CLYBL: variants seen among roughly 807,000 people sequenced by gnomAD.
CLYBL encodes the protein citramalyl-CoA lyase, mitochondrial.
CLYBL carries 31 observed loss-of-function variants against 38.9 expected under a neutral mutation model. The observed-to-expected ratio is 0.80, with a 90% confidence interval of 0.60 to 1.08. The LOEUF is 1.08. Ranked by LOEUF, CLYBL falls within the 50% of genes least tolerant of loss-of-function variation. CLYBL has a pLI of 0.00. For missense variants in CLYBL, 434 were observed against 411.6 expected (o/e 1.05, Z -0.47); for synonymous variants, 171 against 158.6 (o/e 1.08, Z -0.59).
chr13:99,791,363 A>T (rs2049913760), intron 2 of CLYBL, among the ~76,000 whole-genome samples: 1 of 151,964 alleles, frequency 6.6e-6, no homozygotes, highest in South Asian at 2.1e-4. Flanking sequence ...TCTTTTTTAA[A>T]AAAAAAACAA....
chr13:99,610,400 A>G (rs2046608253), intron 1 of CLYBL, among the ~76,000 whole-genome samples: 1 of 152,142 alleles, frequency 6.6e-6, no homozygotes, highest in African/African-American at 2.4e-5. Context: ...TAAGTAATAT[A>G]ATGGGGCAAC....
chr13:99,637,736 C>T (rs955974716), intron 1 of CLYBL, among the ~76,000 whole-genome samples: 1 of 152,150 alleles, frequency 6.6e-6, no homozygotes, highest in African/African-American at 2.4e-5. Flanking sequence ...CCAGCCTGGG[C>T]TACAGAGTGT....
At chr13:99,762,090 A>C (rs9557292) in intron 1 of CLYBL, among the ~76,000 whole-genome samples, 16,140 of 152,184 alleles carry the variant, frequency 0.11, 1,452 homozygotes, top group East Asian at 0.38. Flanking sequence ...GGTAGTTTCT[A>C]AATATTTTCT....
intron 1 of CLYBL, among the ~76,000 whole-genome samples, chr13:99,763,972 G>A (rs745702453): frequency 3.3e-5 from 5 of 151,964 alleles, no homozygotes; most frequent in African/African-American, 4.8e-5. Flanking sequence ...TCCTTCTCTG[G>A]TTTTGGTATC....
At chr13:99,611,133 A>G (rs1184053641) in intron 1 of CLYBL, among the ~76,000 whole-genome samples, 1 of 152,240 alleles carries the variant, frequency 6.6e-6, no homozygotes, top group Non-Finnish European at 1.5e-5. Context: ...GAAGAGGGAT[A>G]GGGTAAACTA....
intron 1 of CLYBL, among the ~76,000 whole-genome samples, chr13:99,762,130 TTTA>T (rs1247952787): frequency 6.6e-6 from 1 of 152,218 alleles, no homozygotes; most frequent in African/African-American, 2.4e-5. Flanking sequence ...CATCATTTTT[TTTA>T]TTGTTTCCTT....
At chr13:99,904,375 G>T (rs1300772673) in intron 8 of CLYBL, among the ~76,000 whole-genome samples, 1 of 152,194 alleles carries the variant, frequency 6.6e-6, no homozygotes, top group African/African-American at 2.4e-5. Flanking sequence ...TCCTGGCTAT[G>T]CTAAACTTTA....
At chr13:99,846,131 AG>A (rs2051198939) in intron 2 of CLYBL, among the ~76,000 whole-genome samples, 2 of 152,122 alleles carry the variant, frequency 1.3e-5, no homozygotes, top group Admixed American at 6.5e-5. Flanking sequence ...CTGGGCCAGC[AG>A]AGCAAGACCC....
At chr13:99,845,231 T>C (rs1480074778) in intron 2 of CLYBL, among the ~76,000 whole-genome samples, 1 of 152,148 alleles carries the variant, frequency 6.6e-6, no homozygotes, top group East Asian at 1.9e-4. Context: ...GTCCACACAA[T>C]CTGTTATGCT....
At chr13:99,896,455 G>C (rs1198019474), downstream of CLYBL, 2 of 152,232 alleles carry the variant, frequency 1.3e-5, no homozygotes, top group Admixed American at 1.3e-4. Flanking sequence ...CTGGGGTCCC[G>C]CCGGCCCTGG....
intron 2 of CLYBL, among the ~76,000 whole-genome samples, chr13:99,787,189 C>T (rs2049814218): frequency 6.6e-6 from 1 of 152,112 alleles, no homozygotes; most frequent in Non-Finnish European, 1.5e-5. Flanking sequence ...TTTTGCTGTG[C>T]AGAAGCTCTT....
chr13:99,718,459 C>G (rs890039704), intron 1 of CLYBL, among the ~76,000 whole-genome samples: 2 of 151,714 alleles, frequency 1.3e-5, no homozygotes, highest in Non-Finnish European at 2.9e-5. Context: ...AAGGGAGATT[C>G]AGGAAAAGCC....
intron 1 of CLYBL, among the ~76,000 whole-genome samples, chr13:99,616,944 C>T (rs779782154): frequency 5.3e-5 from 8 of 151,320 alleles, no homozygotes; most frequent in East Asian, 1.9e-4. Context: ...TGACAGAGCG[C>T]GACTCCGTCT....
At chr13:99,719,556 G>C (rs983548092) in intron 1 of CLYBL, among the ~76,000 whole-genome samples, 1 of 151,870 alleles carries the variant, frequency 6.6e-6, no homozygotes, top group Non-Finnish European at 1.5e-5. Context: ...GCCCAGGCTG[G>C]AGTGCAGTGG....
chr13:99,621,305 C>G (rs2046792874), intron 1 of CLYBL, among the ~76,000 whole-genome samples: 1 of 152,148 alleles, frequency 6.6e-6, no homozygotes, highest in Non-Finnish European at 1.5e-5. Flanking sequence ...CATTTCCCCC[C>G]AGGCCGCTTA....
chr13:99,761,758 G>A (rs991171489), intron 1 of CLYBL, among the ~76,000 whole-genome samples: 1 of 152,180 alleles, frequency 6.6e-6, no homozygotes, highest in Non-Finnish European at 1.5e-5. Flanking sequence ...GTTCTCCATA[G>A]TGGCTATACT....
chr13:99,758,608 G>A (rs2049108847), intron 1 of CLYBL, among the ~76,000 whole-genome samples: 1 of 152,206 alleles, frequency 6.6e-6, no homozygotes, highest in African/African-American at 2.4e-5. Flanking sequence ...TCACCAGCAG[G>A]AAGGGAGGAG....
chr13:99,619,660 G>A (rs1008254680), intron 1 of CLYBL, among the ~76,000 whole-genome samples: 1 of 152,120 alleles, frequency 6.6e-6, no homozygotes, highest in African/African-American at 2.4e-5. Context: ...TAGATACTCT[G>A]GGGTTCAAGT....
At chr13:99,754,969 C>T (rs928243299) in intron 1 of CLYBL, among the ~76,000 whole-genome samples, 1 of 151,792 alleles carries the variant, frequency 6.6e-6, no homozygotes, top group Non-Finnish European at 1.5e-5. Flanking sequence ...GCAATCTCGC[C>T]TCACTGCAAG....
Sources: allele counts gnomAD v4.1 joint callset (sites outside exome capture counted in the v4.1 genomes callset), GRCh38; gene constraint gnomAD v4.1.1; transcripts MANE v1.5; gene names NCBI Gene and HGNC (gene_info 2026-07-23, HGNC 2026-07-21).